AKAP13: variants seen among roughly 807,000 people sequenced by gnomAD.
AKAP13 encodes the protein A-kinase anchoring protein 13, also known as A-kinase anchor protein 13.
A neutral mutation model predicts 264.5 loss-of-function variants in AKAP13; 80 were observed. The observed-to-expected ratio is 0.30, with a 90% confidence interval of 0.25 to 0.36. The LOEUF (loss-of-function observed/expected upper bound fraction) is 0.36, where lower values mean the gene tolerates loss of function less well. AKAP13 is among the 10% of genes least tolerant of loss of function. The probability of loss-of-function intolerance (pLI) is 1.00; values close to 1 mark genes in which losing one functional copy is unlikely to be tolerated. For missense variants in AKAP13, 3,712 were observed against 3,435.2 expected, an observed-to-expected ratio of 1.08 and a Z score of -2.01; for synonymous variants, 1,380 against 1,250.2, an observed-to-expected ratio of 1.10 and a Z score of -2.19.
Position 85,579,778 on chromosome 15 carries a change from T to C in AKAP13, c.1710T>C (p.Thr570=). The C allele has an allele frequency of 6.2e-7, 1 of 1,614,206 alleles. No homozygotes were observed. The highest frequency in any genetic ancestry group is 1.1e-5 in the South Asian group (1 of 91,086). Residue 570 remains threonine, a synonymous_variant, in exon 7 of 37, where the codon ACT becomes ACC. Transcript: ENST00000394518. ...CTGAAAAAACAGCAGAAACGGAAAC[T>C]TCACGAAGTCGTGAGGAGAGTGCTG... ...TSTEKTAETE[T]SRSREESADA...
At chr15:85,741,735 A>AAC (rs1567226008) in intron 35 of AKAP13, among the ~76,000 whole-genome samples, 4 of 137,978 alleles carry the variant, frequency 2.9e-5, no homozygotes, top group African/African-American at 1.1e-4. Context: ...CAAACAAAAA[A>AAC]AAAAAACAGT....
Position 85,718,011 on chromosome 15 carries a change from A to C in AKAP13, c.5853A>C (p.Val1951=), listed in dbSNP as rs1483748656. Residue 1951 remains valine (V), a synonymous_variant, in exon 22 of 37, where the codon GTA becomes GTC. Coordinates refer to ENST00000394518, the MANE Select transcript of AKAP13 (RefSeq NM_007200.5). The surrounding 1 kb of genome is among the most constrained non-coding windows in gnomAD (Gnocchi z 4.9). ...ESTESLTDEG[V]GTDMNEGQLL... Reference sequence around the variant, plus strand: ...TTGATTTTTTGATATATTGAGGAGTAGGTACAGACATGAATGAAGGACAAC... The same window carrying C: ...TTGATTTTTTGATATATTGAGGAGTCGGTACAGACATGAATGAAGGACAAC... 1.2e-6 allele frequency: 2 copies of C among 1,613,650 alleles called. No individual in the cohort carries two copies. Among genetic ancestry groups the C allele is most frequent in the African/African-American group, 2.7e-5 (2 of 74,924 alleles).
chr15:85,448,848 C>CT lies in AKAP13; in HGVS notation c.-11-36847dup, dbSNP rs368790274. 6.6e-3 allele frequency among the ~76,000 whole-genome samples: 853 copies of CT among 129,542 alleles called. 9 individuals are homozygous for CT. Among genetic ancestry groups the CT allele is most frequent in the African/African-American group, 0.017 (613 of 36,342 alleles). 85.0% of individuals were successfully genotyped at this position (129,542 alleles called of 152,430 possible). A position where few individuals can be genotyped will look rare whatever the true frequency, so the allele number is the denominator to read the frequency against. On this transcript the variant is annotated intron_variant, in intron 1 of 36. Transcript: ENST00000394518. Reference sequence around the variant, plus strand: ...CTAAGGATTGCCTTGGCTATTCAGGCTTTTTTTTTTTTTTTCTGAAAAGAA... The same window carrying CT: ...CTAAGGATTGCCTTGGCTATTCAGGCTTTTTTTTTTTTTTTTCTGAAAAGAA...
intron 4 of AKAP13, among the ~76,000 whole-genome samples, chr15:85,539,852 A>G (rs1412161262): frequency 6.6e-6 from 1 of 152,216 alleles, no homozygotes; most frequent in Admixed American, 6.5e-5. Context: ...CATAAAGAAA[A>G]GGGAAAAGTA....
Position 85,745,220 on chromosome 15 carries a change from CAGCAG to C in AKAP13, c.*544_*548del, listed in dbSNP as rs2089333816. On this transcript the variant is annotated 3_prime_UTR_variant, in exon 37 of 37. Coordinates refer to ENST00000394518, the MANE Select transcript of AKAP13 (RefSeq NM_007200.5). Reference sequence around the variant, plus strand: ...GGACGGACCCGGAGCCCCCGCATATCAGCAGTTCACCCAGTACTCCTCAGAGACTG... The same window carrying C: ...GGACGGACCCGGAGCCCCCGCATATCTTCACCCAGTACTCCTCAGAGACTG... The C allele has an allele frequency of 6.5e-6, 1 of 152,970 alleles. No homozygotes were observed. The highest frequency in any genetic ancestry group is 1.5e-5 in the Non-Finnish European group (1 of 68,556). The allele number at this position is 152,970 out of a possible 1,614,324, so 9.5% of individuals were successfully genotyped here. A position where few individuals can be genotyped will look rare whatever the true frequency, so the allele number is the denominator to read the frequency against.
At chr15:85,455,661 T>TA (rs908967064) in intron 1 of AKAP13, among the ~76,000 whole-genome samples, 3 of 152,248 alleles carry the variant, frequency 2.0e-5, no homozygotes, top group African/African-American at 7.2e-5. Context: ...AAATTTATTT[T>TA]AAAAAAAGAA....
chr15:85,493,498 G>GT (rs1410218019), intron 2 of AKAP13, among the ~76,000 whole-genome samples: 1 of 152,132 alleles, frequency 6.6e-6, no homozygotes, highest in Non-Finnish European at 1.5e-5. Context: ...CTTTGAAACT[G>GT]TAAGGAAATC....
chr15:85,384,586 A>T (rs1345492178), intron 1 of AKAP13, among the ~76,000 whole-genome samples: 1 of 151,980 alleles, frequency 6.6e-6, no homozygotes, highest in Non-Finnish European at 1.5e-5. Context: ...GCAGGGTGGC[A>T]GGTGCCTGTA....
rs371311503 is a variant in AKAP13, at chr15:85,676,406, C to G, written c.5102-5752C>G. ...ATTAATGAGTTAGATGTTGGTACCA[C>G]TCACTAAATGAAGGAACACAGGAGG... On this transcript the variant is annotated intron_variant, in intron 14 of 36. Coordinates refer to ENST00000394518, the MANE Select transcript of AKAP13 (RefSeq NM_007200.5). Among the ~76,000 whole-genome samples, 11 of 152,292 alleles carry G rather than the reference C, an allele frequency of 7.2e-5. No individual in the cohort carries two copies. The East Asian group carries it at 1.3e-3, about 19-fold the overall frequency.
chr15:85,730,734 CTT>C (rs771006613), intron 30 of AKAP13, 27 bp downstream of exon 30: 30 of 1,585,830 alleles, frequency 1.9e-5, no homozygotes, highest in Admixed American at 5.1e-5. Flanking sequence ...ATTGCCCCCT[CTT>C]CATCTACTCC....
chr15:85,441,596 G>GATT (rs1312929430), intron 1 of AKAP13, among the ~76,000 whole-genome samples: 1 of 151,976 alleles, frequency 6.6e-6, no homozygotes, highest in Admixed American at 6.6e-5. Context: ...AGATCACAAA[G>GATT]ATTTTCTCTT....
chr15:85,718,266 T>C lies in AKAP13; in HGVS notation c.6001+107T>C. Reference sequence around the variant, plus strand: ...AATCAGTTTTTTAGTATGTGGCTTCTTGAAAAGATTTCCTTTAAAAACTTT... The same window carrying C: ...AATCAGTTTTTTAGTATGTGGCTTCCTGAAAAGATTTCCTTTAAAAACTTT... On this transcript the variant is annotated intron_variant, in intron 22 of 36. Coordinates refer to ENST00000394518, the MANE Select transcript of AKAP13 (RefSeq NM_007200.5). This position sits in a 1 kb window ranked among gnomAD's most constrained non-coding sequence, Gnocchi z 4.9. 7.5e-7 allele frequency: 1 copy of C among 1,337,256 alleles called. No homozygotes were observed. Among genetic ancestry groups the C allele is most frequent in the Non-Finnish European group, 1.0e-6 (1 of 973,780 alleles). 82.8% of individuals were successfully genotyped at this position (1,337,256 alleles called of 1,614,324 possible). A position where few individuals can be genotyped will look rare whatever the true frequency, so the allele number is the denominator to read the frequency against.
chr15:85,553,006 ATTTAATG>A (rs1396730443), intron 5 of AKAP13, among the ~76,000 whole-genome samples: 1 of 151,438 alleles, frequency 6.6e-6, no homozygotes. Context: ...AAATTGTTTT[ATTTAATG>A]TTTAGTGTTC....
At chr15:85,563,600 A>G (rs1596541035) in intron 5 of AKAP13, among the ~76,000 whole-genome samples, 1 of 152,126 alleles carries the variant, frequency 6.6e-6, no homozygotes. Flanking sequence ...TGCTGTGGGC[A>G]CCGCATGAAC....
At chr15:85,559,718 C>T (rs1004139662) in intron 5 of AKAP13, among the ~76,000 whole-genome samples, 4 of 129,184 alleles carry the variant, frequency 3.1e-5, no homozygotes, top group South Asian at 6.6e-4. Context: ...CGACAGGAGG[C>T]GGAATTCAGG....
At chr15:85,430,126 C>T (rs1357187988) in intron 1 of AKAP13, among the ~76,000 whole-genome samples, 1 of 152,142 alleles carries the variant, frequency 6.6e-6, no homozygotes, top group Non-Finnish European at 1.5e-5. Flanking sequence ...TAGAATGCCT[C>T]GTCATATTCT....
At chr15:85,496,304 T>A (rs1463080141) in intron 2 of AKAP13, among the ~76,000 whole-genome samples, 2 of 152,140 alleles carry the variant, frequency 1.3e-5, no homozygotes, top group African/African-American at 4.8e-5. Flanking sequence ...TACCACCACA[T>A]TGGGTTCCTG....
At chr15:85,393,282 C>T (rs1286596381) in intron 1 of AKAP13, among the ~76,000 whole-genome samples, 2 of 152,222 alleles carry the variant, frequency 1.3e-5, no homozygotes. Flanking sequence ...ATAGATGAGA[C>T]TTTGCAGTTT....
intron 2 of AKAP13, among the ~76,000 whole-genome samples, chr15:85,516,207 T>C (rs964159775): frequency 3.9e-5 from 6 of 152,202 alleles, no homozygotes; most frequent in Non-Finnish European, 8.8e-5. Flanking sequence ...TAGTCATTTA[T>C]TGAATATTAT....
Sources: gnomAD v4.1 joint callset for allele counts (sites outside exome capture counted in the v4.1 genomes callset) on GRCh38, gnomAD v4.1.1 for gene constraint, Gnocchi (gnomAD v3.1) non-coding constraint, MANE v1.5 for transcripts, NCBI Gene and HGNC (gene_info 2026-07-23, HGNC 2026-07-21) for gene names.